SOBP: variants seen among roughly 807,000 people sequenced by gnomAD.
SOBP encodes sine oculis-binding protein homolog.
Under a neutral mutation model 53.6 loss-of-function variants are expected in SOBP, and 4 were observed. That is an observed-to-expected ratio of 0.07 (90% CI 0.04 to 0.17). SOBP has a LOEUF of 0.17. Among genes scored for constraint, SOBP ranks in the 10% least tolerant of loss-of-function variants. The pLI, the probability that SOBP is intolerant of heterozygous loss-of-function variation, is 1.00. For synonymous variants in SOBP, 584 were observed against 522.6 expected (o/e 1.12, Z -1.60); for missense variants, 1,088 against 1,204.7 (o/e 0.90, Z 1.43).
intron 3 of SOBP, among the ~76,000 whole-genome samples, chr6:107,513,243 CA>C (rs1783222265): frequency 6.6e-6 from 1 of 152,178 alleles, no homozygotes; most frequent in Non-Finnish European, 1.5e-5. Flanking sequence ...GTTTGCTTTT[CA>C]GTTAGTTTTC....
chr6:107,651,170 G>T (rs891391027), intron 6 of SOBP, among the ~76,000 whole-genome samples: 1 of 152,180 alleles, frequency 6.6e-6, no homozygotes, highest in African/African-American at 2.4e-5. Context: ...AGGAGGCTGA[G>T]GTGGGAGGAT....
At chr6:107,602,963 C>A (rs753051372) in intron 5 of SOBP, among the ~76,000 whole-genome samples, 1 of 129,400 alleles carries the variant, frequency 7.7e-6, no homozygotes, top group Non-Finnish European at 1.6e-5. Flanking sequence ...TTGCCTCCCC[C>A]GTCCCCCACA....
At chr6:107,592,628 C>T (rs555659483) in intron 5 of SOBP, among the ~76,000 whole-genome samples, 44 of 152,316 alleles carry the variant, frequency 2.9e-4, no homozygotes, top group Admixed American at 1.8e-3. Context: ...CTGGAACTCA[C>T]ATCACATCAA....
At chr6:107,545,773 A>G (rs1449599790) in intron 4 of SOBP, among the ~76,000 whole-genome samples, 1 of 152,028 alleles carries the variant, frequency 6.6e-6, no homozygotes, top group Non-Finnish European at 1.5e-5. Context: ...CCTCCTCTCC[A>G]GATCTAGTAG....
At chr6:107,510,261 G>A (rs1234421206) in intron 3 of SOBP, among the ~76,000 whole-genome samples, 3 of 152,138 alleles carry the variant, frequency 2.0e-5, no homozygotes, top group Non-Finnish European at 2.9e-5. Context: ...TGTGGCCCAC[G>A]GACATAATTT....
chr6:107,595,080 T>G (rs1368457974), intron 5 of SOBP, among the ~76,000 whole-genome samples: 1 of 152,228 alleles, frequency 6.6e-6, no homozygotes, highest in East Asian at 1.9e-4. Context: ...CTAGTTTCTT[T>G]ATAGTAACAA....
intron 3 of SOBP, among the ~76,000 whole-genome samples, chr6:107,528,418 C>T (rs1466203684): frequency 6.6e-6 from 1 of 152,136 alleles, no homozygotes; most frequent in African/African-American, 2.4e-5. Flanking sequence ...AGAAGGCTGA[C>T]AAGAGTATTG....
At chr6:107,618,846 C>G (rs1179624196) in intron 5 of SOBP, among the ~76,000 whole-genome samples, 1 of 152,156 alleles carries the variant, frequency 6.6e-6, no homozygotes, top group African/African-American at 2.4e-5. Context: ...GACATCCTGT[C>G]GGGCTTGTGG....
intron 5 of SOBP, among the ~76,000 whole-genome samples, chr6:107,613,559 A>G (rs891386024): frequency 3.3e-5 from 5 of 152,244 alleles, no homozygotes; most frequent in African/African-American, 1.2e-4. Flanking sequence ...TTATAGAAGT[A>G]GTAAGTGAGA....
intron 3 of SOBP, among the ~76,000 whole-genome samples, chr6:107,517,509 CTAAT>C (rs1156391998): frequency 2.6e-5 from 4 of 152,184 alleles, no homozygotes; most frequent in Admixed American, 1.3e-4. Flanking sequence ...TCATTTAACA[CTAAT>C]TATCTTCCAA....
intron 6 of SOBP, among the ~76,000 whole-genome samples, chr6:107,657,173 T>A (rs958514852): frequency 6.6e-6 from 1 of 152,138 alleles, no homozygotes; most frequent in Admixed American, 6.5e-5. Context: ...AAGTGGCTGC[T>A]CCCAGAACTG....
intron 3 of SOBP, among the ~76,000 whole-genome samples, chr6:107,523,162 A>G (rs1783564310): frequency 6.6e-6 from 1 of 152,210 alleles, no homozygotes; most frequent in African/African-American, 2.4e-5. Flanking sequence ...TACGTAGTGC[A>G]GCTCAAGAGG....
intron 4 of SOBP, among the ~76,000 whole-genome samples, chr6:107,541,245 T>C (rs192770308): frequency 1.3e-5 from 2 of 152,216 alleles, no homozygotes; most frequent in African/African-American, 4.8e-5. Context: ...TTAGTAGATA[T>C]GAATTTTGTA....
At chr6:107,656,028 C>T in intron 6 of SOBP, among the ~76,000 whole-genome samples, 1 of 152,122 alleles carries the variant, frequency 6.6e-6, no homozygotes, top group East Asian at 1.9e-4. Flanking sequence ...GAAGGAGGCC[C>T]CCTCTAACTA....
chr6:107,631,927 A>G lies in SOBP; in HGVS notation c.670-1587A>G, dbSNP rs181471755. On this transcript the variant is annotated intron_variant, in intron 5 of 6. Coordinates refer to ENST00000317357, the MANE Select transcript of SOBP (RefSeq NM_018013.4). ...AAAAAAGCGAGAAGGAAAAGAGTGGATTTACACATACAGACCCACATCTGC... is the reference window on the plus strand; with the variant it reads ...AAAAAAGCGAGAAGGAAAAGAGTGGGTTTACACATACAGACCCACATCTGC... Among the ~76,000 whole-genome samples, 420 of 152,332 alleles carry G rather than the reference A, an allele frequency of 2.8e-3. 3 individuals are homozygous for G. The highest frequency in any genetic ancestry group is 4.3e-3 in the Non-Finnish European group (292 of 68,024).
At chr6:107,492,580 G>T (rs1782606260) in intron 1 of SOBP, among the ~76,000 whole-genome samples, 1 of 152,176 alleles carries the variant, frequency 6.6e-6, no homozygotes, top group African/African-American at 2.4e-5. Flanking sequence ...TTGTCCTTCT[G>T]CAGTATAACA....
At chr6:107,630,981 T>C (rs1367813507) in intron 5 of SOBP, among the ~76,000 whole-genome samples, 1 of 152,216 alleles carries the variant, frequency 6.6e-6, no homozygotes, top group African/African-American at 2.4e-5. Context: ...GAATTCTCAT[T>C]TGACAATTGG....
At chr6:107,593,880 G>T (rs1051827030) in intron 5 of SOBP, among the ~76,000 whole-genome samples, 1 of 152,080 alleles carries the variant, frequency 6.6e-6, no homozygotes, top group African/African-American at 2.4e-5. Context: ...TTTTAATTTG[G>T]GTAAAAGAAC....
chr6:107,653,652 A>G (rs1771899942), intron 6 of SOBP, among the ~76,000 whole-genome samples: 1 of 152,218 alleles, frequency 6.6e-6, no homozygotes, highest in Admixed American at 6.5e-5. Flanking sequence ...TGATTATGCT[A>G]ATTACAAAAG....
Sources: gnomAD v4.1 joint callset for allele counts (sites outside exome capture counted in the v4.1 genomes callset) on GRCh38, gnomAD v4.1.1 for gene constraint, MANE v1.5 for transcripts, NCBI Gene and HGNC (gene_info 2026-07-23, HGNC 2026-07-21) for gene names.